PPFIA1: variants seen among roughly 807,000 people sequenced by gnomAD.
The protein encoded by PPFIA1 is liprin-alpha-1.
In PPFIA1, 25 loss-of-function variants were observed where a neutral mutation model predicts 149.9. The ratio of observed to expected loss-of-function variants is 0.17; its 90% CI spans 0.12 to 0.23. The LOEUF is 0.23. Among genes scored for constraint, PPFIA1 ranks in the 10% least tolerant of loss-of-function variants. The probability of loss-of-function intolerance (pLI) is 1.00; values close to 1 mark genes in which losing one functional copy is unlikely to be tolerated. For missense variants in PPFIA1, 1,362 were observed against 1,506.5 expected (o/e 0.90, Z 1.59); for synonymous variants, 549 against 552.8 (o/e 0.99, Z 0.10).
intron 15 of PPFIA1, among the ~76,000 whole-genome samples, chr11:70,347,475 G>A (rs1005934121): frequency 6.6e-6 from 1 of 152,210 alleles, no homozygotes; most frequent in Non-Finnish European, 1.5e-5. Context: ...GCTGAGGTTG[G>A]AGGATGTCTT....
At chr11:70,311,084 C>T (rs12221621) in intron 2 of PPFIA1, among the ~76,000 whole-genome samples, 8,857 of 152,182 alleles carry the variant, frequency 0.058, 364 homozygotes, top group Middle Eastern at 0.12. Flanking sequence ...CCGAGGTGGG[C>T]GGATCACCTG....
At chr11:70,326,566 G>A (rs759254224) in intron 6 of PPFIA1, 31 bp from the exon 7 acceptor site, 2 of 1,536,970 alleles carry the variant, frequency 1.3e-6, no homozygotes, top group Non-Finnish European at 8.9e-7. Flanking sequence ...CCAAACAAGG[G>A]TATTTAAGGA....
At chr11:70,380,902 C>T (rs751914957) in intron 26 of PPFIA1, among the ~76,000 whole-genome samples, 14 of 151,872 alleles carry the variant, frequency 9.2e-5, no homozygotes, top group Non-Finnish European at 1.9e-4. Flanking sequence ...GGCTCAGTCT[C>T]GGCTTACTGC....
chr11:70,314,679 G>C (rs750394910), intron 2 of PPFIA1, among the ~76,000 whole-genome samples: 6 of 151,990 alleles, frequency 3.9e-5, no homozygotes, highest in African/African-American at 4.8e-5. Flanking sequence ...ATGCGGTTCT[G>C]TACTATGTTT....
intron 2 of PPFIA1, among the ~76,000 whole-genome samples, chr11:70,275,699 A>G (rs1187697776): frequency 6.6e-6 from 1 of 152,174 alleles, no homozygotes; most frequent in African/African-American, 2.4e-5. Flanking sequence ...GTGTCATCTC[A>G]GTCCAGTGAC....
intron 2 of PPFIA1, among the ~76,000 whole-genome samples, chr11:70,276,733 C>G (rs1285627072): frequency 6.6e-6 from 1 of 151,936 alleles, no homozygotes; most frequent in Non-Finnish European, 1.5e-5. Flanking sequence ...CTTCATGTGT[C>G]TATTTAGATA....
At chr11:70,281,720 T>C (rs1249542877) in intron 2 of PPFIA1, among the ~76,000 whole-genome samples, 1 of 152,208 alleles carries the variant, frequency 6.6e-6, no homozygotes, top group Non-Finnish European at 1.5e-5. Flanking sequence ...TCAAATGCAC[T>C]GACAGAAAGA....
intron 2 of PPFIA1, among the ~76,000 whole-genome samples, chr11:70,318,330 A>G (rs1040448364): frequency 6.6e-6 from 1 of 151,478 alleles, no homozygotes; most frequent in African/African-American, 2.4e-5. Flanking sequence ...AGTTCCACCA[A>G]CTCCCACCAC....
chr11:70,272,871 A>G (rs1419858965), intron 2 of PPFIA1, among the ~76,000 whole-genome samples: 1 of 152,234 alleles, frequency 6.6e-6, no homozygotes, highest in Non-Finnish European at 1.5e-5. Flanking sequence ...AAAAAAAATT[A>G]TTTTGATAGC....
At position 70,341,620 on chromosome 11, in the gene PPFIA1, G is replaced by C. The variant is rs528656476; in HGVS notation, c.1708-2049G>C. ...CCAAGAGACATCTAGAACTAGAGAT[G>C]AAAATTGGGGCATTTTGCGCATATG... On this transcript the variant is annotated intron_variant, in intron 14 of 27. Transcript: ENST00000253925. 8.5e-5 allele frequency among the ~76,000 whole-genome samples: 13 copies of C among 152,286 alleles called. No homozygotes were observed. In the South Asian group the frequency reaches 2.7e-3, roughly 32 times the overall value.
At chr11:70,309,850 A>G (rs1224690262) in intron 2 of PPFIA1, among the ~76,000 whole-genome samples, 1 of 151,934 alleles carries the variant, frequency 6.6e-6, no homozygotes, top group Non-Finnish European at 1.5e-5. Flanking sequence ...CGGAGAGGGG[A>G]GGGAGGGTCG....
At chr11:70,288,333 G>A (rs2051293990) in intron 2 of PPFIA1, among the ~76,000 whole-genome samples, 1 of 152,162 alleles carries the variant, frequency 6.6e-6, no homozygotes, top group African/African-American at 2.4e-5. Flanking sequence ...GCCTCCCAAA[G>A]TGCTGGGATT....
chr11:70,349,634 A>G (rs901211822), intron 16 of PPFIA1, among the ~76,000 whole-genome samples: 4 of 152,198 alleles, frequency 2.6e-5, no homozygotes, highest in African/African-American at 9.6e-5. Flanking sequence ...ATGCAATTAA[A>G]TCGACGGTGA....
At chr11:70,305,531 C>A (rs1420873707) in intron 2 of PPFIA1, among the ~76,000 whole-genome samples, 2 of 152,136 alleles carry the variant, frequency 1.3e-5, no homozygotes, top group Non-Finnish European at 2.9e-5. Context: ...ACCACCACGC[C>A]TGGCTATTTT....
At chr11:70,358,107 G>A (rs2056443753) in intron 19 of PPFIA1, 1 of 152,192 alleles carries the variant, frequency 6.6e-6, no homozygotes, top group Non-Finnish European at 1.5e-5. Flanking sequence ...AAATGTACCA[G>A]CTCCTTAGTG....
chr11:70,364,071 T>G, intron 21 of PPFIA1, among the ~76,000 whole-genome samples: 1 of 152,118 alleles, frequency 6.6e-6, no homozygotes, highest in East Asian at 1.9e-4. Context: ...CATTCCAGTT[T>G]GCGGACATTT....
At chr11:70,353,455 T>C (rs148467638) in intron 16 of PPFIA1, among the ~76,000 whole-genome samples, 1 of 152,358 alleles carries the variant, frequency 6.6e-6, no homozygotes, top group African/African-American at 2.4e-5. Flanking sequence ...GAACATGTTT[T>C]ATGAAATCCA....
In PPFIA1 at chr11:70,365,705, G is replaced by A. The variant is rs1048024277; in HGVS notation, c.2865+3217G>A. 19 of 354,432 alleles carry A rather than the reference G, an allele frequency of 5.4e-5. No homozygotes were observed. The Middle Eastern group carries it at 1.4e-3, about 26-fold the overall frequency. The allele number at this position is 354,432 out of a possible 1,614,324, so 22.0% of individuals were successfully genotyped here. On this transcript the variant is annotated intron_variant, in intron 21 of 27. Coordinates refer to ENST00000253925, the MANE Select transcript of PPFIA1 (RefSeq NM_003626.5). Reference sequence around the variant, plus strand: ...AGAGATCTCAGTTGAGCCTCCATGTGACTGACTGTGTGGCCCTTTCTCCTT... The same window carrying A: ...AGAGATCTCAGTTGAGCCTCCATGTAACTGACTGTGTGGCCCTTTCTCCTT...
chr11:70,375,223 GT>G (rs746047562), intron 24 of PPFIA1, 130 bp downstream of exon 24: 7,262 of 166,376 alleles, frequency 0.044, 1 homozygote, highest in South Asian at 0.075. Flanking sequence ...CTAGTTTTTG[GT>G]TTTTTTTTTT....
Sources: gnomAD v4.1 joint callset for allele counts (sites outside exome capture counted in the v4.1 genomes callset) on GRCh38, gnomAD v4.1.1 for gene constraint, MANE v1.5 for transcripts, NCBI Gene and HGNC (gene_info 2026-07-23, HGNC 2026-07-21) for gene names.